Variants in KAT8 observed in about 807,000 individuals in gnomAD.
KAT8 encodes the protein histone acetyltransferase KAT8.
A neutral mutation model predicts 62.9 loss-of-function variants in KAT8; 40 were observed. The observed-to-expected ratio is 0.64, with a 90% CI of 0.49 to 0.83. The LOEUF (loss-of-function observed/expected upper bound fraction) is 0.83. KAT8 is among the 40% of genes least tolerant of loss of function. The probability of loss-of-function intolerance (pLI) is 0.00; values close to 1 mark genes in which losing one functional copy is unlikely to be tolerated. For missense variants in KAT8, 387 were observed against 614.8 expected (o/e 0.63, Z 3.92); for synonymous variants, 278 against 254.5 (o/e 1.09, Z -0.88).
rs371267154 is a variant in KAT8 at position 31,120,518 on chromosome 16, C to G, written c.462+4C>G. On this transcript the variant is annotated splice_donor_region_variant and intron_variant, in intron 3 of 10. Transcript: ENST00000219797. ...TGAGATCAACCATGTGCAGAAGGTC[C>G]GGATCCCTTCCCATCCACGGGCCCA... 11 of 1,594,812 alleles carry G rather than the reference C, an allele frequency of 6.9e-6. No homozygotes were observed. The African/African-American group carries it at 1.5e-4, about 21-fold the overall frequency.
intron 3 of KAT8, 98 bp downstream of exon 3, chr16:31,120,612 C>A: frequency 8.8e-7 from 1 of 1,142,518 alleles, no homozygotes; most frequent in South Asian, 1.5e-5. Flanking sequence ...TAGCAAATCC[C>A]ATTTCTTAAG....
At chr16:31,120,811 T>C (rs761594120) in intron 3 of KAT8, 84 of 325,292 alleles carry the variant, frequency 2.6e-4, no homozygotes, top group Non-Finnish European at 4.3e-4. Flanking sequence ...GTAGAAAAAA[T>C]GACTTGAAGT....
chr16:31,121,372 C>T (rs562865919), intron 3 of KAT8, among the ~76,000 whole-genome samples: 13 of 152,178 alleles, frequency 8.5e-5, no homozygotes, highest in African/African-American at 3.1e-4. Flanking sequence ...CTGCCCACCT[C>T]GGCCTCCCAA....
In KAT8 at chr16:31,129,994, G is replaced by A. The variant is rs751331942; in HGVS notation, c.772-23G>A. Reference sequence around the variant, plus strand: ...GGGCCTGTGCCTGCCCCCTGAGCCTGTCTCCCCCCTCCTCAACCCTAGATT... The same window carrying A: ...GGGCCTGTGCCTGCCCCCTGAGCCTATCTCCCCCCTCCTCAACCCTAGATT... On this transcript the variant is annotated intron_variant, in intron 6 of 10. Transcript: ENST00000219797. 21 of 1,613,606 alleles carry A rather than the reference G, an allele frequency of 1.3e-5. No homozygotes were observed. In the African/African-American group the frequency reaches 2.7e-4, roughly 21 times the overall value.
intron 3 of KAT8, chr16:31,124,155 G>A (rs1321374792): frequency 1.3e-5 from 2 of 152,248 alleles, no homozygotes; most frequent in African/African-American, 4.8e-5. Context: ...TGTGTGAGGA[G>A]GAAAATCTTT....
chr16:31,127,314 CA>C lies in KAT8; in HGVS notation c.644del (p.Lys215SerfsTer3). On this transcript the variant is annotated frameshift_variant, in exon 5 of 11. Coordinates refer to ENST00000219797, the MANE Select transcript of KAT8 (RefSeq NM_032188.3). LOFTEE classifies it high-confidence loss of function. Reference sequence around the variant, plus strand: ...AGCTCTGGCTCTGCGAGTACTGCCTCAAGTACATGAAATATGAGAAGAGCTA... The same window carrying C: ...AGCTCTGGCTCTGCGAGTACTGCCTCAGTACATGAAATATGAGAAGAGCTA... Reference protein sequence around the residue: ...PKLWLCEYCLKYMKYEKSYRF... With the variant: ...PKLWLCEYCLXYMKYEKSYRF... 1 of 1,614,214 alleles carries C rather than the reference CA, an allele frequency of 6.2e-7. No individual in the cohort carries two copies. The highest frequency in any genetic ancestry group is 8.5e-7 in the Non-Finnish European group (1 of 1,180,040).
chr16:31,124,279 C>T (rs1173744759), intron 3 of KAT8, among the ~76,000 whole-genome samples: 1 of 152,198 alleles, frequency 6.6e-6, no homozygotes, highest in Non-Finnish European at 1.5e-5. Flanking sequence ...CTCTTTGTGC[C>T]TCAGTTTTCT....
chr16:31,126,436 T>G, intron 3 of KAT8: 1 of 153,024 alleles, frequency 6.5e-6, no homozygotes, highest in Admixed American at 6.5e-5. Flanking sequence ...GGAGAGAGAG[T>G]AGTCTGAGGC....
At chr16:31,126,867 C>T in intron 3 of KAT8, 168 bp from the exon 4 acceptor site, 1 of 684,414 alleles carries the variant, frequency 1.5e-6, no homozygotes, top group Non-Finnish European at 2.5e-6. Context: ...GGAGTCTGGA[C>T]CAGCCAGCTT....
intron 6 of KAT8, among the ~76,000 whole-genome samples, chr16:31,129,650 C>A (rs570985432): frequency 2.6e-5 from 4 of 152,146 alleles, no homozygotes; most frequent in Admixed American, 1.3e-4. Flanking sequence ...TCGTGCTAGG[C>A]GCTGGGGACA....
chr16:31,131,019 G>A, intron 10 of KAT8, 119 bp downstream of exon 10: 2 of 1,514,206 alleles, frequency 1.3e-6, no homozygotes, highest in Middle Eastern at 2.1e-4. Flanking sequence ...CCAGCTCCCA[G>A]GATGGAGCCC....
intron 1 of KAT8, 87 bp downstream of exon 1, chr16:31,117,979 C>T (rs1470031517): frequency 3.0e-6 from 3 of 983,668 alleles, no homozygotes; most frequent in Non-Finnish European, 4.0e-6. Flanking sequence ...TCAGTGAGGC[C>T]AAGATCCGGG....
Position 31,127,310 on chromosome 16 carries a change from G to T in KAT8, c.638G>T (p.Cys213Phe). The T allele has an allele frequency of 6.2e-7, 1 of 1,614,248 alleles. No individual in the cohort carries two copies. The highest frequency in any genetic ancestry group is 1.1e-5 in the South Asian group (1 of 91,082). The change falls in exon 5 of 11, where the codon TGC (cysteine) becomes TTC (phenylalanine). Residue 213 changes from cysteine (C) to phenylalanine (F), a missense_variant. Around this residue, in one of 6 missense-constraint regions of KAT8, gnomAD observed 141 missense variants for 222.5 expected, o/e 0.63. Transcript: ENST00000219797. Reference sequence around the variant, plus strand: ...CCCAAGCTCTGGCTCTGCGAGTACTGCCTCAAGTACATGAAATATGAGAAG... The same window carrying T: ...CCCAAGCTCTGGCTCTGCGAGTACTTCCTCAAGTACATGAAATATGAGAAG... The part of the protein sequence containing the change: ...KQPKLWLCEY[C>F]LKYMKYEKSY...
At chr16:31,121,455 A>G (rs1000377856) in intron 3 of KAT8, among the ~76,000 whole-genome samples, 1 of 152,182 alleles carries the variant, frequency 6.6e-6, no homozygotes, top group South Asian at 2.1e-4. Context: ...CCTCACTGAC[A>G]TTTCACAGTA....
At chr16:31,127,119 C>T (rs963395764) in intron 4 of KAT8, 31 bp downstream of exon 4, 10 of 1,609,320 alleles carry the variant, frequency 6.2e-6, no homozygotes, top group African/African-American at 1.3e-5. Flanking sequence ...GCCTGCAGGT[C>T]CCCCGTCTCC....
At chr16:31,127,501 AG>A (rs1052754085) in intron 5 of KAT8, 148 bp downstream of exon 5, 54 of 815,794 alleles carry the variant, frequency 6.6e-5, no homozygotes, top group Non-Finnish European at 9.5e-5. Context: ...GGGGGTCAGG[AG>A]GCCTGGATTC....
chr16:31,124,401 G>C lies in KAT8; in HGVS notation c.463-2634G>C, dbSNP rs994002710. 1.3e-5 allele frequency among the ~76,000 whole-genome samples: 2 copies of C among 151,828 alleles called. 1 individual carries two copies. The highest frequency in any genetic ancestry group is 4.2e-4 in the South Asian group (2 of 4,798). ...TCATGCCTGTAATCCCAGCACTCTG[G>C]GAAGCTGAGATGATTGGATCATTTG... On this transcript the variant is annotated intron_variant, in intron 3 of 10. Coordinates refer to ENST00000219797, the MANE Select transcript of KAT8 (RefSeq NM_032188.3).
chr16:31,128,860 C>G (rs548277958), intron 6 of KAT8, among the ~76,000 whole-genome samples: 11 of 151,804 alleles, frequency 7.2e-5, no homozygotes, highest in South Asian at 2.1e-4. Context: ...ATGACTTCAG[C>G]AGGGCAGGTT....
At position 31,117,707 on chromosome 16, in the gene KAT8, C is replaced by T; in HGVS notation, c.26C>T (p.Ala9Val). The T allele has an allele frequency of 7.2e-7, 1 of 1,398,198 alleles. No homozygotes were observed. Among genetic ancestry groups the T allele is most frequent in the Non-Finnish European group, 9.3e-7 (1 of 1,071,158 alleles). The allele number at this position is 1,398,198 out of a possible 1,614,324, so 86.6% of individuals were successfully genotyped here. A position where few individuals can be genotyped will look rare whatever the true frequency, so the allele number is the denominator to read the frequency against. ...ATGGCGGCACAGGGAGCTGCTGCGG[C>T]GGTTGCGGCGGGGACTTCAGGGGTC... MAAQGAAA[A>V]VAAGTSGVAG... is the part of the protein sequence containing the mutation. The change falls in exon 1 of 11, where the codon GCG becomes GTG. Residue 9 changes from alanine (A) to valine (V), a missense_variant. Ala to Val is a moderately conservative substitution (Grantham distance 64). Transcript: ENST00000219797.
Sources: gnomAD v4.1 joint callset for allele counts (sites outside exome capture counted in the v4.1 genomes callset) on GRCh38, gnomAD v4.1.1 for gene constraint, gnomAD v4.1.1 regional missense constraint, MANE v1.5 for transcripts, NCBI Gene and HGNC (gene_info 2026-07-23, HGNC 2026-07-21) for gene names.